Variants in ELL observed in about 807,000 individuals in gnomAD.
ELL encodes RNA polymerase II elongation factor ELL.
Under a neutral mutation model 64.0 loss-of-function variants are expected in ELL, and 18 were observed. The observed-to-expected ratio is 0.28, with a 90% CI of 0.19 to 0.42. The LOEUF (loss-of-function observed/expected upper bound fraction) is 0.42, where lower values mean the gene tolerates loss of function less well. Among genes scored for constraint, ELL ranks in the 10% least tolerant of loss-of-function variants. The pLI, the probability that ELL is intolerant of heterozygous loss-of-function variation, is 1.00. For missense variants in ELL, 797 were observed against 870.4 expected (o/e 0.92, Z 1.06); for synonymous variants, 399 against 376.2 (o/e 1.06, Z -0.70).
At chr19:18,496,750 A>T (rs774727157) in intron 1 of ELL, among the ~76,000 whole-genome samples, 1 of 152,192 alleles carries the variant, frequency 6.6e-6, no homozygotes, top group Non-Finnish European at 1.5e-5. Flanking sequence ...TAGCACAGGA[A>T]CCTGTGGCTG....
intron 8 of ELL, 33 bp from the exon 9 acceptor site, chr19:18,446,847 C>T (rs2303692): frequency 0.22 from 348,666 of 1,612,120 alleles, 38,676 homozygotes; most frequent in African/African-American, 0.33. Flanking sequence ...CCTGAGTCTG[C>T]GCCCATGGCA....
At chr19:18,487,351 C>G (rs914734671) in intron 1 of ELL, among the ~76,000 whole-genome samples, 9 of 152,230 alleles carry the variant, frequency 5.9e-5, no homozygotes, top group African/African-American at 2.2e-4. Flanking sequence ...GCCACGAGAG[C>G]CAGGCCCCAG....
intron 8 of ELL, 128 bp from the exon 9 acceptor site, chr19:18,446,942 G>A: frequency 9.7e-7 from 1 of 1,026,480 alleles, no homozygotes; most frequent in South Asian, 1.4e-5. Context: ...GGATAGCAGA[G>A]GGGATGACTG....
intron 6 of ELL, among the ~76,000 whole-genome samples, chr19:18,452,093 A>T (rs1974551870): frequency 1.3e-5 from 2 of 152,168 alleles, no homozygotes; most frequent in South Asian, 4.1e-4. Flanking sequence ...AGTGGCCACC[A>T]GCTTGACTAG....
chr19:18,516,111 G>A (rs1976122101), intron 1 of ELL, among the ~76,000 whole-genome samples: 1 of 152,038 alleles, frequency 6.6e-6, no homozygotes, highest in South Asian at 2.1e-4. Flanking sequence ...AGATAAGTCG[G>A]GCCTCTGGGG....
intron 1 of ELL, among the ~76,000 whole-genome samples, chr19:18,479,419 T>C (rs2144939315): frequency 6.6e-6 from 1 of 152,266 alleles, no homozygotes; most frequent in Non-Finnish European, 1.5e-5. Context: ...AGAACGTATC[T>C]GATTGTTGGC....
At chr19:18,472,979 G>T in intron 1 of ELL, 97 bp from the exon 2 acceptor site, 2 of 1,368,700 alleles carry the variant, frequency 1.5e-6, no homozygotes, top group African/African-American at 1.5e-5. Flanking sequence ...AAGGAGCAGG[G>T]TGAAGATGGT....
At chr19:18,514,021 T>A (rs1383620894) in intron 1 of ELL, among the ~76,000 whole-genome samples, 1 of 152,036 alleles carries the variant, frequency 6.6e-6, no homozygotes, top group African/African-American at 2.4e-5. Flanking sequence ...CACAAACACA[T>A]CTGCTGGCCT....
At chr19:18,502,112 T>C (rs527505709) in intron 1 of ELL, among the ~76,000 whole-genome samples, 2 of 152,242 alleles carry the variant, frequency 1.3e-5, no homozygotes, top group South Asian at 2.1e-4. Flanking sequence ...TCTGGTGCTC[T>C]ACGCTAAGCT....
chr19:18,452,118 G>T (rs938151570), intron 6 of ELL, among the ~76,000 whole-genome samples: 2 of 152,164 alleles, frequency 1.3e-5, no homozygotes, highest in Non-Finnish European at 2.9e-5. Context: ...TGCAGCTGGG[G>T]AAGAAGGGAA....
chr19:18,521,730 T>C (rs1001148047), intron 1 of ELL, among the ~76,000 whole-genome samples, 191 bp downstream of exon 1: 5 of 152,138 alleles, frequency 3.3e-5, no homozygotes, highest in Non-Finnish European at 7.4e-5. Flanking sequence ...TGCCTCCTAG[T>C]GCTGAGAAGG....
intron 1 of ELL, among the ~76,000 whole-genome samples, chr19:18,503,992 C>T (rs541079838): frequency 6.6e-6 from 1 of 152,360 alleles, no homozygotes; most frequent in Non-Finnish European, 1.5e-5. Flanking sequence ...TCACTCACAT[C>T]CCCCCGCCTG....
intron 1 of ELL, among the ~76,000 whole-genome samples, chr19:18,514,395 TC>T (rs1186585332): frequency 1.3e-5 from 2 of 150,516 alleles, no homozygotes; most frequent in Non-Finnish European, 2.9e-5. Flanking sequence ...GCGCCTGTAG[TC>T]CCAGCTACTC....
rs562600623 is a variant in ELL, at chr19:18,492,850, TCA to T, written c.136-19970_136-19969del. On this transcript the variant is annotated intron_variant, in intron 1 of 11. Coordinates refer to ENST00000262809, the MANE Select transcript of ELL (RefSeq NM_006532.4). ...GTGGATGAGTGAGCCTCTCTGAGCC[TCA>T]GTTTTCTCTTCTGGAAAAATGGGGC... Among the ~76,000 whole-genome samples the T allele has an allele frequency of 5.2e-3, 788 of 152,206 alleles. 5 individuals carry two copies. The highest frequency in any genetic ancestry group is 0.012 in the Admixed American group (183 of 15,296).
chr19:18,498,688 G>A (rs1399785556), intron 1 of ELL, among the ~76,000 whole-genome samples: 2 of 152,210 alleles, frequency 1.3e-5, no homozygotes, highest in African/African-American at 4.8e-5. Flanking sequence ...TGGGTGTGGT[G>A]GCTCATGCCT....
intron 1 of ELL, among the ~76,000 whole-genome samples, chr19:18,493,223 TC>T (rs1343589345): frequency 2.0e-5 from 3 of 151,984 alleles, no homozygotes; most frequent in African/African-American, 4.8e-5. Context: ...GGGCTGGGGA[TC>T]CCATCAGGGC....
chr19:18,494,175 T>A (rs191221511), intron 1 of ELL, among the ~76,000 whole-genome samples: 1 of 151,426 alleles, frequency 6.6e-6, no homozygotes, highest in African/African-American at 2.4e-5. Flanking sequence ...TATAGTGAGC[T>A]GTGATCAAGC....
chr19:18,479,756 G>A (rs935925511), intron 1 of ELL, among the ~76,000 whole-genome samples: 3 of 148,684 alleles, frequency 2.0e-5, no homozygotes, highest in African/African-American at 7.5e-5. Flanking sequence ...AAACTCTCCA[G>A]CAAAGACAGA....
At chr19:18,480,977 G>A (rs1035630889) in intron 1 of ELL, among the ~76,000 whole-genome samples, 2 of 152,188 alleles carry the variant, frequency 1.3e-5, no homozygotes, top group African/African-American at 2.4e-5. Context: ...TGCATAGAAA[G>A]CTTATGGAAA....
Sources: allele counts gnomAD v4.1 joint callset (sites outside exome capture counted in the v4.1 genomes callset), GRCh38; gene constraint gnomAD v4.1.1; transcripts MANE v1.5; gene names NCBI Gene and HGNC (gene_info 2026-07-23, HGNC 2026-07-21).